Variants in STAC2 observed in about 807,000 individuals in gnomAD.
STAC2 encodes SH3 and cysteine-rich domain-containing protein 2.
Under a neutral mutation model 49.0 loss-of-function variants are expected in STAC2, and 36 were observed. The observed-to-expected ratio is 0.74, with a 90% CI of 0.56 to 0.97. The LOEUF is 0.97. Among genes scored for constraint, STAC2 ranks in the 50% least tolerant of loss-of-function variants. STAC2 has a pLI of 0.00. For synonymous variants in STAC2, 239 were observed against 214.7 expected (o/e 1.11, Z -0.99); for missense variants, 527 against 543.8 (o/e 0.97, Z 0.31).
chr17:39,213,269 C>G, intron 9 of STAC2, 137 bp from the exon 10 acceptor site: 1 of 1,456,476 alleles, frequency 6.9e-7, no homozygotes, highest in Non-Finnish European at 9.2e-7. Context: ...TTCCAGCCCC[C>G]AGCCAGGTGG....
intron 1 of STAC2, among the ~76,000 whole-genome samples, chr17:39,223,126 G>A (rs1279108412): frequency 6.6e-6 from 1 of 152,206 alleles, no homozygotes; most frequent in Non-Finnish European, 1.5e-5. Flanking sequence ...CACCAACACT[G>A]ATGAATAAGC....
At position 39,214,207 on chromosome 17, in the gene STAC2, G is replaced by A. The variant is rs201175570; in HGVS notation, c.941+26C>T. 35 of 1,612,364 alleles carry A rather than the reference G, an allele frequency of 2.2e-5. No individual in the cohort carries two copies. The East Asian group carries it at 3.6e-4, about 16-fold the overall frequency. ...GTCTGGGAGCGCAGAGCTGCCCAGC[G>A]GGGCCAGGTCACAAAGAGGACTTAC... On this transcript the variant is annotated intron_variant, in intron 8 of 10. Coordinates refer to ENST00000333461, the MANE Select transcript of STAC2 (RefSeq NM_198993.5).
At chr17:39,224,937 G>C (rs1490444815) in intron 1 of STAC2, among the ~76,000 whole-genome samples, 2 of 152,152 alleles carry the variant, frequency 1.3e-5, no homozygotes, top group Non-Finnish European at 1.5e-5. Flanking sequence ...TAAACACCCG[G>C]AGACGCCGGG....
At chr17:39,219,421 T>C (rs2046440522) in intron 1 of STAC2, among the ~76,000 whole-genome samples, 1 of 152,152 alleles carries the variant, frequency 6.6e-6, no homozygotes, top group Non-Finnish European at 1.5e-5. Flanking sequence ...AGGAATTCTG[T>C]CTCATGACCC....
rs1045275921 is a variant in STAC2, at chr17:39,214,977, C to T, written c.746G>A (p.Ser249Asn). The stretch of plus-strand genomic sequence containing the variant: ...ACTGTCACCAGGCCCCTCCTCAGAG[C>T]TGCGGATGCTGCCTTCCCCATCCTC... Reference protein sequence around the residue: ...LTEDGEGSIRSSEEGPGDSAS... With the variant: ...LTEDGEGSIRNSEEGPGDSAS... The change falls in exon 6 of 11, where the codon AGC (serine) becomes AAC (asparagine). Residue 249 changes from serine (S) to asparagine (N), a missense_variant. Physicochemically the swap from Ser to Asn is conservative, Grantham distance 46. Coordinates refer to ENST00000333461, the MANE Select transcript of STAC2 (RefSeq NM_198993.5). 2.4e-5 allele frequency: 38 copies of T among 1,613,992 alleles called. 1 individual carries two copies. The highest frequency in any genetic ancestry group is 3.1e-5 in the Non-Finnish European group (36 of 1,180,010).
Position 39,225,394 on chromosome 17 carries a change from C to T in STAC2, c.90+19G>A, listed in dbSNP as rs369238579. ...GCCCGGGCCCGGGGCGCGGACAGGC[C>T]TTGCGCCCCCCAAGTTACCTTGGTT... On this transcript the variant is annotated intron_variant, in intron 1 of 10. Transcript: ENST00000333461. The surrounding 1 kb of genome is among the most constrained non-coding windows in gnomAD (Gnocchi z 8.2). 1.3e-4 allele frequency: 203 copies of T among 1,592,408 alleles called. No individual in the cohort carries two copies. Among genetic ancestry groups the T allele is most frequent in the Non-Finnish European group, 1.7e-4 (200 of 1,173,432 alleles).
intron 7 of STAC2, 48 bp from the exon 8 acceptor site, chr17:39,214,378 C>G (rs935171168): frequency 3.7e-6 from 6 of 1,609,896 alleles, no homozygotes; most frequent in Non-Finnish European, 5.1e-6. Context: ...CACCCTCACT[C>G]CCCCCACTCT....
rs1334112980 is a variant in STAC2, at chr17:39,225,368, C to G, written c.90+45G>C. 1 of 1,524,536 alleles carries G rather than the reference C, an allele frequency of 6.6e-7. No homozygotes were observed. Among genetic ancestry groups the G allele is most frequent in the South Asian group, 1.2e-5 (1 of 85,586 alleles). The allele number at this position is 1,524,536 out of a possible 1,614,324, so 94.4% of individuals were successfully genotyped here. On this transcript the variant is annotated intron_variant, in intron 1 of 10. Coordinates refer to ENST00000333461, the MANE Select transcript of STAC2 (RefSeq NM_198993.5). The surrounding 1 kb of genome is among the most constrained non-coding windows in gnomAD (Gnocchi z 8.2). Reference sequence around the variant, plus strand: ...CAGGAGGACCCCGCCGGGAAGAGGGCGCCCGGGCCCGGGGCGCGGACAGGC... The same window carrying G: ...CAGGAGGACCCCGCCGGGAAGAGGGGGCCCGGGCCCGGGGCGCGGACAGGC...
chr17:39,219,765 A>T (rs1272105254), intron 1 of STAC2, among the ~76,000 whole-genome samples: 1 of 152,134 alleles, frequency 6.6e-6, no homozygotes, highest in Non-Finnish European at 1.5e-5. Flanking sequence ...AAACCTCTTG[A>T]CCCAGAGCCT....
Position 39,212,186 on chromosome 17 carries a change from A to C in STAC2, c.*106T>G. 1 of 744,374 alleles carries C rather than the reference A, an allele frequency of 1.3e-6. No individual in the cohort carries two copies. Among genetic ancestry groups the C allele is most frequent in the Non-Finnish European group, 2.2e-6 (1 of 448,640 alleles). 46.1% of individuals were successfully genotyped at this position (744,374 alleles called of 1,614,324 possible). A position where few individuals can be genotyped will look rare whatever the true frequency, so the allele number is the denominator to read the frequency against. ...GGTAAGTGGCACCTAGGAGAGGGAC[A>C]GAGGGAGGAAGGGTATGGAGTGGAC... On this transcript the variant is annotated 3_prime_UTR_variant, in exon 11 of 11. Coordinates refer to ENST00000333461, the MANE Select transcript of STAC2 (RefSeq NM_198993.5).
chr17:39,217,836 C>T (rs1214245670), intron 2 of STAC2, 31 bp downstream of exon 2: 1 of 1,575,096 alleles, frequency 6.3e-7, no homozygotes, highest in Non-Finnish European at 8.6e-7. Flanking sequence ...CTGGCCCCTC[C>T]CCGTGGCCGC....
intron 1 of STAC2, among the ~76,000 whole-genome samples, chr17:39,220,869 T>C (rs1259837896): frequency 6.6e-6 from 1 of 151,914 alleles, no homozygotes; most frequent in Non-Finnish European, 1.5e-5. Flanking sequence ...CAATCTTGGC[T>C]CACTGCAAGC....
At chr17:39,217,777 G>A in intron 2 of STAC2, 90 bp downstream of exon 2, 1 of 1,324,526 alleles carries the variant, frequency 7.5e-7, no homozygotes, top group Non-Finnish European at 1.0e-6. Flanking sequence ...TGAACAGCAA[G>A]AGCCCAATAA....
chr17:39,213,429 T>TG (rs1331944054), intron 9 of STAC2, 78 bp downstream of exon 9: 1 of 1,552,748 alleles, frequency 6.4e-7, no homozygotes, highest in Non-Finnish European at 8.8e-7. Context: ...GGAGAGAAGG[T>TG]GGGGGCAGTG....
At chr17:39,224,107 C>A (rs1251982056) in intron 1 of STAC2, among the ~76,000 whole-genome samples, 1 of 152,084 alleles carries the variant, frequency 6.6e-6, no homozygotes, top group East Asian at 1.9e-4. Flanking sequence ...GACCCTACGG[C>A]CTCCTCCTCC....
intron 1 of STAC2, among the ~76,000 whole-genome samples, chr17:39,220,152 A>G (rs917972250): frequency 2.6e-5 from 4 of 152,178 alleles, no homozygotes; most frequent in East Asian, 1.9e-4. Flanking sequence ...TTGTGTATCT[A>G]TGAGAAGCAA....
rs772462971 is a variant in STAC2 at position 39,213,020 on chromosome 17, C to A, written c.1106G>T (p.Gly369Val). The A allele has an allele frequency of 3.7e-6, 6 of 1,614,082 alleles. No individual in the cohort carries two copies. The South Asian group carries it at 6.6e-5, about 18-fold the overall frequency. The change falls in exon 10 of 11, where the codon GGT (glycine) becomes GTT (valine). Residue 369 changes from glycine to valine, a missense_variant. Coordinates refer to ENST00000333461, the MANE Select transcript of STAC2 (RefSeq NM_198993.5). ...CTGGTTCTCCTTGAGGCTCATGTAA[C>A]CCTGTTCCTTGTTCCCGGAGAAGGG... is the stretch of plus-strand genomic sequence containing the variant. The part of the protein sequence containing the change: ...CQPFSGNKEQ[G>V]YMSLKENQIC...
intron 4 of STAC2, among the ~76,000 whole-genome samples, chr17:39,216,137 C>G (rs1247304263): frequency 1.3e-5 from 2 of 152,106 alleles, no homozygotes; most frequent in East Asian, 3.9e-4. Flanking sequence ...CAGATGAAGA[C>G]AGCGAGCTTT....
chr17:39,214,881 A>T lies in STAC2; in HGVS notation c.773-20T>A. 6.2e-7 allele frequency: 1 copy of T among 1,613,972 alleles called. No homozygotes were observed. Among genetic ancestry groups the T allele is most frequent in the Non-Finnish European group, 8.5e-7 (1 of 1,179,938 alleles). On this transcript the variant is annotated intron_variant, in intron 6 of 10. Transcript: ENST00000333461. ...GAGATGCTAGGGGCAGGAGAGGGAA[A>T]GGGTGAGAGGCAGCAGGGAGCACCC...
Sources: allele counts gnomAD v4.1 joint callset (sites outside exome capture counted in the v4.1 genomes callset), GRCh38; gene constraint gnomAD v4.1.1; non-coding constraint Gnocchi (gnomAD v3.1); transcripts MANE v1.5; gene names NCBI Gene and HGNC (gene_info 2026-07-23, HGNC 2026-07-21).